SH3GLB1: variants seen among roughly 807,000 people sequenced by gnomAD.
SH3GLB1 encodes the protein SH3 domain containing GRB2 like, endophilin B1.
SH3GLB1 carries 17 observed loss-of-function variants against 42.0 expected under a neutral mutation model. That is an observed-to-expected ratio of 0.40 (90% CI 0.28 to 0.61). The LOEUF (loss-of-function observed/expected upper bound fraction) is 0.61. SH3GLB1 is among the 20% of genes least tolerant of loss of function. The probability of loss-of-function intolerance (pLI) is 0.36; values close to 1 mark genes in which losing one functional copy is unlikely to be tolerated. For missense variants in SH3GLB1, 355 were observed against 426.3 expected (o/e 0.83, Z 1.47); for synonymous variants, 132 against 146.6 (o/e 0.90, Z 0.72).
intron 1 of SH3GLB1, among the ~76,000 whole-genome samples, chr1:86,709,262 A>G (rs1654053959): frequency 6.6e-6 from 1 of 152,244 alleles, no homozygotes. Context: ...AACATCTAAC[A>G]TGGTTCATCT....
At chr1:86,724,870 T>A (rs1419164625) in intron 5 of SH3GLB1, among the ~76,000 whole-genome samples, 2 of 102,808 alleles carry the variant, frequency 1.9e-5, no homozygotes, top group Non-Finnish European at 3.6e-5. Flanking sequence ...CCAGACCCTG[T>A]CTTTAAAAAA....
chr1:86,734,485 A>G, intron 5 of SH3GLB1, 117 bp from the exon 6 acceptor site: 2 of 708,448 alleles, frequency 2.8e-6, no homozygotes, highest in African/African-American at 3.6e-5. Flanking sequence ...GAATTGCGGA[A>G]TTGCCAGATT....
At chr1:86,733,931 G>T (rs979920867) in intron 5 of SH3GLB1, among the ~76,000 whole-genome samples, 1 of 152,042 alleles carries the variant, frequency 6.6e-6, no homozygotes, top group Non-Finnish European at 1.5e-5. Context: ...ATTGAAGTTC[G>T]ATCATAACTT....
In SH3GLB1 at chr1:86,745,260, G is replaced by T. The variant is rs191719770; in HGVS notation, c.*2025G>T. ...GAGGACAATAATTATGACACCATAG[G>T]GTGGTTGTGAGGATTAGCAAATGTT... On this transcript the variant is annotated 3_prime_UTR_variant, in exon 9 of 9. Coordinates refer to ENST00000370558, the MANE Select transcript of SH3GLB1 (RefSeq NM_016009.5). The T allele has an allele frequency of 8.5e-5, 13 of 152,304 alleles. No homozygotes were observed. The South Asian group carries it at 1.4e-3, about 17-fold the overall frequency. The allele number at this position is 152,304 out of a possible 1,614,324, so 9.4% of individuals were successfully genotyped here.
intron 5 of SH3GLB1, chr1:86,730,300 G>A (rs573895587): frequency 1.0e-6 from 1 of 985,334 alleles, no homozygotes; most frequent in East Asian, 1.1e-4. Context: ...GTTGAACAAT[G>A]CTGCAGAGAT....
At chr1:86,728,523 A>G (rs1655327297) in intron 5 of SH3GLB1, 2 of 1,307,824 alleles carry the variant, frequency 1.5e-6, no homozygotes, top group Non-Finnish European at 2.1e-6. Flanking sequence ...TACATCTTGA[A>G]TAAAGTGCCT....
At chr1:86,724,099 T>TA (rs1483972114) in intron 4 of SH3GLB1, among the ~76,000 whole-genome samples, 3 of 145,402 alleles carry the variant, frequency 2.1e-5, no homozygotes, top group African/African-American at 5.0e-5. Context: ...CCCAGACACT[T>TA]ACAATGTTTC....
chr1:86,709,598 A>G (rs1246951094), intron 1 of SH3GLB1, among the ~76,000 whole-genome samples: 5 of 152,212 alleles, frequency 3.3e-5, no homozygotes, highest in Admixed American at 2.6e-4. Context: ...GGAACAAGAG[A>G]TGTGTTTTTA....
At chr1:86,724,289 A>AT in intron 4 of SH3GLB1, 24 bp from the exon 5 acceptor site, 1 of 1,510,014 alleles carries the variant, frequency 6.6e-7, no homozygotes, top group Non-Finnish European at 9.0e-7. Context: ...TTTAGCCCTT[A>AT]TTTTTTCTTT....
intron 5 of SH3GLB1, among the ~76,000 whole-genome samples, chr1:86,725,780 G>A (rs371561653): frequency 8.5e-5 from 13 of 152,116 alleles, no homozygotes; most frequent in African/African-American, 2.7e-4. Flanking sequence ...AATGTCTTAC[G>A]AGACTACCCT....
intron 7 of SH3GLB1, among the ~76,000 whole-genome samples, chr1:86,736,410 T>TG (rs1444283633): frequency 1.3e-5 from 2 of 152,212 alleles, no homozygotes; most frequent in African/African-American, 4.8e-5. Flanking sequence ...ACCTCAAAAA[T>TG]GAATGGTAGC....
intron 5 of SH3GLB1, among the ~76,000 whole-genome samples, chr1:86,732,569 T>C (rs868026153): frequency 6.6e-6 from 1 of 152,292 alleles, no homozygotes; most frequent in South Asian, 2.1e-4. Flanking sequence ...CACTAAAACT[T>C]GTTCAAGAAA....
chr1:86,704,963 G>A lies in SH3GLB1; in HGVS notation c.64G>A (p.Ala22Thr), dbSNP rs774085197. Residue 22 changes from alanine (A) to threonine (T), a missense_variant, in exon 1 of 9, where the codon GCC (alanine) becomes ACC (threonine). By Grantham distance (58) the Ala-to-Thr change is moderately conservative. Coordinates refer to ENST00000370558, the MANE Select transcript of SH3GLB1 (RefSeq NM_016009.5). ...AADAGTFLSR[A>T]VQFTEEKLGQ... ...CGACGCAGGCACCTTCCTCAGTCGC[G>A]CCGTGCAGGTACCCTGGTGCTGGGG... The A allele has an allele frequency of 4.7e-5, 75 of 1,579,610 alleles. No homozygotes were observed. The highest frequency in any genetic ancestry group is 6.4e-5 in the Non-Finnish European group (74 of 1,165,244).
chr1:86,719,026 A>G (rs548200901), intron 2 of SH3GLB1, among the ~76,000 whole-genome samples: 122 of 152,340 alleles, frequency 8.0e-4, no homozygotes, highest in African/African-American at 2.8e-3. Context: ...TTTAGACTCT[A>G]GGCAAGAAAA....
chr1:86,734,372 G>A (rs142835590), intron 5 of SH3GLB1: 35 of 415,346 alleles, frequency 8.4e-5, no homozygotes, highest in African/African-American at 1.8e-4. Flanking sequence ...AAGCTTTAGC[G>A]TAACAGATTC....
At chr1:86,724,535 GA>G in intron 5 of SH3GLB1, 130 bp downstream of exon 5, 2 of 712,460 alleles carry the variant, frequency 2.8e-6, no homozygotes, top group Non-Finnish European at 4.6e-6. Flanking sequence ...AAATTTATCA[GA>G]ACTTAATACA....
intron 4 of SH3GLB1, 116 bp from the exon 5 acceptor site, chr1:86,724,197 C>A: frequency 1.5e-6 from 1 of 661,052 alleles, no homozygotes; most frequent in Non-Finnish European, 2.4e-6. Flanking sequence ...ATTTTGTAGT[C>A]ATAGATCTTT....
At chr1:86,738,418 A>G (rs1044074372) in intron 7 of SH3GLB1, among the ~76,000 whole-genome samples, 16 of 151,964 alleles carry the variant, frequency 1.1e-4, no homozygotes, top group African/African-American at 3.9e-4. Flanking sequence ...GGCACCCACC[A>G]CCACACCCAG....
chr1:86,706,968 G>T (rs1653906004), intron 1 of SH3GLB1, among the ~76,000 whole-genome samples: 2 of 152,130 alleles, frequency 1.3e-5, no homozygotes, highest in African/African-American at 4.8e-5. Context: ...TTTCTTTTCA[G>T]TTTTAAATAT....
Sources: gnomAD v4.1 joint callset for allele counts (sites outside exome capture counted in the v4.1 genomes callset) on GRCh38, gnomAD v4.1.1 for gene constraint, MANE v1.5 for transcripts, NCBI Gene and HGNC (gene_info 2026-07-23, HGNC 2026-07-21) for gene names.